Variants in ATL2 observed in about 807,000 individuals in gnomAD.
ATL2 encodes the protein atlastin-2.
Under a neutral mutation model 73.9 loss-of-function variants are expected in ATL2, and 31 were observed. The observed-to-expected ratio is 0.42, with a 90% CI of 0.32 to 0.57. The LOEUF is 0.57. Ranked by LOEUF, ATL2 falls within the 20% of genes least tolerant of loss-of-function variation. ATL2 has a pLI of 0.14. For missense variants in ATL2, 738 were observed against 702.6 expected (o/e 1.05, Z -0.57); for synonymous variants, 291 against 237.5 (o/e 1.23, Z -2.07).
intron 1 of ATL2, among the ~76,000 whole-genome samples, chr2:38,348,235 G>A (rs987456513): frequency 1.3e-5 from 2 of 152,072 alleles, no homozygotes; most frequent in African/African-American, 2.4e-5. Context: ...GGGAGGCTGA[G>A]GAGGGCGGAT....
At chr2:38,301,277 A>T (rs182565569) in intron 9 of ATL2, among the ~76,000 whole-genome samples, 1 of 152,276 alleles carries the variant, frequency 6.6e-6, no homozygotes, top group Non-Finnish European at 1.5e-5. Flanking sequence ...GCTCATCTCA[A>T]CTTTCCACTG....
At chr2:38,314,014 C>A (rs774652196) in intron 6 of ATL2, among the ~76,000 whole-genome samples, 2 of 152,126 alleles carry the variant, frequency 1.3e-5, no homozygotes, top group African/African-American at 4.8e-5. Flanking sequence ...AAGAGTGAGG[C>A]AGAATCAATG....
Position 38,296,791 on chromosome 2 carries a change from AC to A in ATL2, c.1633-679del, listed in dbSNP as rs1454740008. On this transcript the variant is annotated intron_variant, in intron 12 of 12. Coordinates refer to ENST00000378954, the MANE Select transcript of ATL2 (RefSeq NM_001135673.4). Reference sequence around the variant, plus strand: ...CTGACTAGCTGATTACCTTACCTAAACTATACTGAAAATGATTTTATACACT... The same window carrying A: ...CTGACTAGCTGATTACCTTACCTAAATATACTGAAAATGATTTTATACACT... 56 of 1,521,452 alleles carry A rather than the reference AC, an allele frequency of 3.7e-5. 1 individual carries two copies. The African/African-American group carries it at 4.0e-4, about 11-fold the overall frequency. 94.2% of individuals were successfully genotyped at this position (1,521,452 alleles called of 1,614,324 possible).
intron 1 of ATL2, among the ~76,000 whole-genome samples, chr2:38,374,620 C>T (rs966587640): frequency 1.3e-5 from 2 of 152,194 alleles, no homozygotes; most frequent in African/African-American, 4.8e-5. Flanking sequence ...GTGTGTCAAA[C>T]AGGTCTTCCA....
chr2:38,320,494 T>C (rs1018253191), intron 2 of ATL2, among the ~76,000 whole-genome samples: 2 of 152,194 alleles, frequency 1.3e-5, no homozygotes, highest in Non-Finnish European at 2.9e-5. Context: ...AAATTTTCCA[T>C]AATAAAAGTT....
At chr2:38,314,923 T>C (rs1422934291) in intron 5 of ATL2, among the ~76,000 whole-genome samples, 1 of 152,214 alleles carries the variant, frequency 6.6e-6, no homozygotes, top group Non-Finnish European at 1.5e-5. Flanking sequence ...AAGTGAGAAT[T>C]AAATTTCAAT....
chr2:38,342,744 T>C (rs746796890), intron 2 of ATL2, among the ~76,000 whole-genome samples: 3 of 152,184 alleles, frequency 2.0e-5, no homozygotes, highest in Non-Finnish European at 4.4e-5. Context: ...CAGAGACTTC[T>C]AGGATATACT....
In ATL2 at chr2:38,299,334, A is replaced by T; in HGVS notation, c.1129-7T>A. 2.0e-6 allele frequency: 3 copies of T among 1,515,966 alleles called. No individual in the cohort carries two copies. The highest frequency in any genetic ancestry group is 1.7e-4 in the Middle Eastern group (1 of 5,792). The allele number at this position is 1,515,966 out of a possible 1,614,324, so 93.9% of individuals were successfully genotyped here. The stretch of plus-strand genomic sequence containing the variant: ...TATTAGCTTCAGCTGTTGCCTAAAA[A>T]ATAAAATATGCCATTATTATGCAAA... On this transcript the variant is annotated splice_region_variant and splice_polypyrimidine_tract_variant and intron_variant, in intron 10 of 12. Coordinates refer to ENST00000378954, the MANE Select transcript of ATL2 (RefSeq NM_001135673.4).
chr2:38,297,350 T>C (rs1464450901), intron 12 of ATL2, among the ~76,000 whole-genome samples: 1 of 152,218 alleles, frequency 6.6e-6, no homozygotes, highest in Non-Finnish European at 1.5e-5. Context: ...TATTATAGCG[T>C]TCGTCATTAA....
chr2:38,294,179 A>G lies in ATL2; in HGVS notation c.*1815T>C, dbSNP rs1359028708. 6.6e-6 allele frequency among the ~76,000 whole-genome samples: 1 copy of G among 152,238 alleles called. No individual in the cohort carries two copies. ...AAAACAGAATCTGAATGGGAGTGGG[A>G]GCGAAGATGTATCAACCAAAGTAAA... On this transcript the variant is annotated 3_prime_UTR_variant, in exon 13 of 13. Transcript: ENST00000378954.
chr2:38,360,920 T>C (rs773745268), intron 1 of ATL2, among the ~76,000 whole-genome samples: 6 of 147,188 alleles, frequency 4.1e-5, no homozygotes, highest in Non-Finnish European at 7.4e-5. Context: ...CAAAGTATTG[T>C]TGGTAACTAC....
At chr2:38,308,417 T>C (rs976436462) in intron 9 of ATL2, among the ~76,000 whole-genome samples, 1 of 152,044 alleles carries the variant, frequency 6.6e-6, no homozygotes, top group Non-Finnish European at 1.5e-5. Flanking sequence ...ACTGAACTCA[T>C]GCGATAGAGA....
chr2:38,375,299 G>C (rs1198969872), intron 1 of ATL2, among the ~76,000 whole-genome samples: 1 of 152,142 alleles, frequency 6.6e-6, no homozygotes, highest in Non-Finnish European at 1.5e-5. Context: ...AGCTCATTTA[G>C]TTTTTAACTC....
chr2:38,312,958 A>G (rs1291321153), intron 7 of ATL2, among the ~76,000 whole-genome samples, 193 bp downstream of exon 7: 1 of 152,166 alleles, frequency 6.6e-6, no homozygotes, highest in African/African-American at 2.4e-5. Context: ...TTTTGATTCA[A>G]GGACACTGTC....
chr2:38,314,571 T>C lies in ATL2; in HGVS notation c.711+37A>G, dbSNP rs373345370. ...ACTGAGGTGGCTTCACAACTTCTCATAGGCTAATCTTTAAAATGTTAGAAT... is the reference window on the plus strand; with the variant it reads ...ACTGAGGTGGCTTCACAACTTCTCACAGGCTAATCTTTAAAATGTTAGAAT... On this transcript the variant is annotated intron_variant, in intron 6 of 12. Transcript: ENST00000378954. The C allele has an allele frequency of 2.8e-4, 416 of 1,480,066 alleles. 1 individual carries two copies. In the African/African-American group the frequency reaches 5.0e-3, roughly 18 times the overall value. The allele number at this position is 1,480,066 out of a possible 1,614,324, so 91.7% of individuals were successfully genotyped here.
chr2:38,375,241 C>A (rs1671895926), intron 1 of ATL2, among the ~76,000 whole-genome samples: 1 of 152,164 alleles, frequency 6.6e-6, no homozygotes, highest in South Asian at 2.1e-4. Context: ...ATAGATGAGT[C>A]CTTTTCATTC....
intron 1 of ATL2, 108 bp from the exon 2 acceptor site, chr2:38,343,620 C>T (rs948413190): frequency 2.1e-6 from 2 of 932,276 alleles, no homozygotes; most frequent in Admixed American, 4.9e-5. Context: ...CCCCCTCCCC[C>T]CATTATAGAT....
intron 2 of ATL2, among the ~76,000 whole-genome samples, chr2:38,341,726 T>C (rs781273493): frequency 2.0e-4 from 30 of 152,330 alleles, no homozygotes; most frequent in Non-Finnish European, 4.1e-4. Context: ...AGTTTTCTAA[T>C]ATAAACTATG....
At chr2:38,362,195 C>G (rs1352209890) in intron 1 of ATL2, among the ~76,000 whole-genome samples, 1 of 152,180 alleles carries the variant, frequency 6.6e-6, no homozygotes, top group East Asian at 1.9e-4. Context: ...TCGCTAACAT[C>G]TGGTATTTGA....
Sources: allele counts gnomAD v4.1 joint callset (sites outside exome capture counted in the v4.1 genomes callset), GRCh38; gene constraint gnomAD v4.1.1; transcripts MANE v1.5; gene names NCBI Gene and HGNC (gene_info 2026-07-23, HGNC 2026-07-21).